The following GALNT14 variants were observed in gnomAD, a reference collection of about 807,000 sequenced individuals.
GALNT14 encodes the protein polypeptide N-acetylgalactosaminyltransferase 14.
GALNT14 carries 60 observed loss-of-function variants against 77.5 expected under a neutral mutation model. That is an observed-to-expected ratio of 0.77 (90% CI 0.63 to 0.96). The LOEUF (loss-of-function observed/expected upper bound fraction) is 0.96. GALNT14 is among the 40% of genes least tolerant of loss of function. GALNT14 has a pLI of 0.00. For synonymous variants in GALNT14, 280 were observed against 281.7 expected, an observed-to-expected ratio of 0.99 and a Z score of 0.06; for missense variants, 710 against 731.0, an observed-to-expected ratio of 0.97 and a Z score of 0.33.
At chr2:30,970,588 G>C (rs751190851) in intron 2 of GALNT14, among the ~76,000 whole-genome samples, 5 of 152,064 alleles carry the variant, frequency 3.3e-5, no homozygotes, top group Admixed American at 2.0e-4. Flanking sequence ...CCATGGAGAC[G>C]ACGCAGTTAA....
In GALNT14 at chr2:31,065,195, T is replaced by C. The variant is rs1210005390; in HGVS notation, c.130-72188A>G. ...ATTGGTTTTATTATTTTAAATATTA[T>C]GTGGATGCTTGAGGTCTCCAGAGCC... On this transcript the variant is annotated intron_variant, in intron 1 of 14. Transcript: ENST00000349752. 2.0e-5 allele frequency: 3 copies of C among 152,226 alleles called. No homozygotes were observed. In the East Asian group the frequency reaches 5.8e-4, roughly 29 times the overall value. The allele number at this position is 152,226 out of a possible 1,614,324, so 9.4% of individuals were successfully genotyped here. A position where few individuals can be genotyped will look rare whatever the true frequency, so the allele number is the denominator to read the frequency against.
At chr2:30,914,495 T>C (rs764731585) in intron 13 of GALNT14, among the ~76,000 whole-genome samples, 1 of 152,204 alleles carries the variant, frequency 6.6e-6, no homozygotes, top group East Asian at 1.9e-4. Flanking sequence ...TGAACAAAGG[T>C]TGTACCCCCT....
intron 2 of GALNT14, among the ~76,000 whole-genome samples, chr2:30,979,508 A>G (rs919241028): frequency 1.3e-5 from 2 of 152,234 alleles, no homozygotes; most frequent in African/African-American, 4.8e-5. Context: ...AGACTCAACC[A>G]CCACGCCAGC....
chr2:31,012,423 C>T (rs531300314), intron 1 of GALNT14, among the ~76,000 whole-genome samples: 9 of 152,264 alleles, frequency 5.9e-5, no homozygotes, highest in Non-Finnish European at 1.0e-4. Flanking sequence ...CACAAAACAG[C>T]GTGTGTCCTG....
At position 31,125,080 on chromosome 2, in the gene GALNT14, CA is replaced by C. The variant is rs1678637139; in HGVS notation, c.129+12877del. 3.7e-6 allele frequency: 4 copies of C among 1,069,242 alleles called. No homozygotes were observed. In the African/African-American group the frequency reaches 4.7e-5, roughly 13 times the overall value. 66.2% of individuals were successfully genotyped at this position (1,069,242 alleles called of 1,614,324 possible). A position where few individuals can be genotyped will look rare whatever the true frequency, so the allele number is the denominator to read the frequency against. ...AGGAGCTCTGGCAGATCATCCTACC[CA>C]CAGTACCCAGGGCCTGCTTGGGCAG... On this transcript the variant is annotated intron_variant, in intron 1 of 14. Coordinates refer to ENST00000349752, the MANE Select transcript of GALNT14 (RefSeq NM_024572.4).
At chr2:31,118,855 T>C (rs1447502355) in intron 1 of GALNT14, among the ~76,000 whole-genome samples, 1 of 152,148 alleles carries the variant, frequency 6.6e-6, no homozygotes, top group Non-Finnish European at 1.5e-5. Flanking sequence ...TGGTAAAAAG[T>C]ATGACATTGC....
chr2:31,013,660 A>G (rs530026871), intron 1 of GALNT14, among the ~76,000 whole-genome samples: 1 of 152,322 alleles, frequency 6.6e-6, no homozygotes, highest in Admixed American at 6.5e-5. Flanking sequence ...TGAAGCAGCC[A>G]CTAGAATCCA....
chr2:30,908,241 TATTCA>T (rs1664197480), downstream of GALNT14, among the ~76,000 whole-genome samples: 1 of 151,986 alleles, frequency 6.6e-6, no homozygotes, highest in South Asian at 2.1e-4. Flanking sequence ...AAATAAAGGG[TATTCA>T]ATTAGGAAAG....
chr2:31,064,646 G>T (rs1674818687), intron 1 of GALNT14, among the ~76,000 whole-genome samples: 1 of 152,188 alleles, frequency 6.6e-6, no homozygotes, highest in East Asian at 1.9e-4. Flanking sequence ...ATTTCGGCTG[G>T]GCTGGCAGAA....
At chr2:31,005,603 C>T (rs1003355710) in intron 1 of GALNT14, among the ~76,000 whole-genome samples, 7 of 152,140 alleles carry the variant, frequency 4.6e-5, no homozygotes, top group African/African-American at 7.2e-5. Context: ...GGAGGGAAAA[C>T]GCAATTTACA....
intron 2 of GALNT14, among the ~76,000 whole-genome samples, chr2:30,980,791 C>G (rs1476031973): frequency 6.6e-6 from 1 of 152,232 alleles, no homozygotes; most frequent in Non-Finnish European, 1.5e-5. Flanking sequence ...TATAGAAATA[C>G]AAGGCATGGG....
chr2:30,922,992 T>C (rs1208148991), intron 13 of GALNT14, among the ~76,000 whole-genome samples: 1 of 150,604 alleles, frequency 6.6e-6, no homozygotes, highest in Non-Finnish European at 1.5e-5. Flanking sequence ...CCTTGATGAA[T>C]ACCCGCCAGA....
intron 1 of GALNT14, among the ~76,000 whole-genome samples, chr2:31,062,476 G>A (rs1338190526): frequency 6.6e-6 from 1 of 152,194 alleles, no homozygotes; most frequent in East Asian, 1.9e-4. Context: ...GGGCATTTGG[G>A]TTGGTTCCAA....
At chr2:30,920,745 C>G (rs1203142556) in intron 13 of GALNT14, among the ~76,000 whole-genome samples, 3 of 152,100 alleles carry the variant, frequency 2.0e-5, no homozygotes, top group Admixed American at 6.5e-5. Flanking sequence ...TTAACACCTC[C>G]AGATTACTTG....
intron 2 of GALNT14, among the ~76,000 whole-genome samples, chr2:30,983,432 T>C (rs1320551951): frequency 6.6e-6 from 1 of 152,224 alleles, no homozygotes; most frequent in Non-Finnish European, 1.5e-5. Flanking sequence ...TCCTGGGCAT[T>C]GAAAATGTCT....
At position 30,938,384 on chromosome 2, in the gene GALNT14, A is replaced by ACACACACACTCT. The variant is rs1174119035; in HGVS notation, c.931+3816_931+3817insAGAGTGTGTGTG. On this transcript the variant is annotated intron_variant, in intron 9 of 14. Coordinates refer to ENST00000349752, the MANE Select transcript of GALNT14 (RefSeq NM_024572.4). ...TACACACACACACACACACACACAC[A>ACACACACACTCT]CTCTCTCTCTCTCTCTCTCTCTCTA... Among the ~76,000 whole-genome samples, 269 of 141,774 alleles carry ACACACACACTCT rather than the reference A, an allele frequency of 1.9e-3. 1 individual carries two copies. Among genetic ancestry groups the ACACACACACTCT allele is most frequent in the African/African-American group, 5.8e-3 (220 of 38,260 alleles). 93.0% of individuals were successfully genotyped at this position (141,774 alleles called of 152,430 possible).
intron 2 of GALNT14, among the ~76,000 whole-genome samples, chr2:30,989,642 A>G (rs1012269603): frequency 7.3e-6 from 1 of 137,716 alleles, no homozygotes; most frequent in East Asian, 2.0e-4. Flanking sequence ...AAATATATAT[A>G]TTAGTATATA....
At chr2:31,134,126 C>A (rs901283595) in intron 1 of GALNT14, among the ~76,000 whole-genome samples, 1 of 152,200 alleles carries the variant, frequency 6.6e-6, no homozygotes, top group African/African-American at 2.4e-5. Context: ...GAACAAGGGC[C>A]TGATGGCCCA....
chr2:30,957,964 T>C (rs951867996), intron 4 of GALNT14, among the ~76,000 whole-genome samples: 2 of 151,870 alleles, frequency 1.3e-5, no homozygotes, highest in African/African-American at 4.8e-5. Flanking sequence ...TTGGAGAGAG[T>C]GGATTTGCTG....
Sources: gnomAD v4.1 joint callset for allele counts (sites outside exome capture counted in the v4.1 genomes callset) on GRCh38, gnomAD v4.1.1 for gene constraint, MANE v1.5 for transcripts, NCBI Gene and HGNC (gene_info 2026-07-23, HGNC 2026-07-21) for gene names.